ADCY5: variants seen among roughly 807,000 people sequenced by gnomAD.
ADCY5 encodes adenylate cyclase type 5.
A neutral mutation model predicts 119.7 loss-of-function variants in ADCY5; 30 were observed. The observed-to-expected ratio is 0.25, with a 90% confidence interval of 0.19 to 0.34. The LOEUF is 0.34. Among genes scored for constraint, ADCY5 ranks in the 10% least tolerant of loss-of-function variants. The pLI, the probability that ADCY5 is intolerant of heterozygous loss-of-function variation, is 1.00. For missense variants in ADCY5, 1,324 were observed against 1,775.2 expected, an observed-to-expected ratio of 0.75 and a Z score of 4.57; for synonymous variants, 753 against 762.2, an observed-to-expected ratio of 0.99 and a Z score of 0.20.
Position 123,352,375 on chromosome 3 carries a change from A to T in ADCY5, c.1284+57T>A. 1 of 1,546,814 alleles carries T rather than the reference A, an allele frequency of 6.5e-7. No homozygotes were observed. Among genetic ancestry groups the T allele is most frequent in the Non-Finnish European group, 8.7e-7 (1 of 1,146,200 alleles). Reference sequence around the variant, plus strand: ...CCGCCCTAGGCCAGGCACTCAGCTGAGGTACATCTCAGGGCTCGACTCCGT... The same window carrying T: ...CCGCCCTAGGCCAGGCACTCAGCTGTGGTACATCTCAGGGCTCGACTCCGT... On this transcript the variant is annotated intron_variant, in intron 2 of 20. Transcript: ENST00000462833. This position sits in a 1 kb window ranked among gnomAD's most constrained non-coding sequence, Gnocchi z 4.8.
intron 1 of ADCY5, among the ~76,000 whole-genome samples, chr3:123,422,867 T>C (rs1169702821): frequency 6.6e-6 from 1 of 152,208 alleles, no homozygotes; most frequent in African/African-American, 2.4e-5. Context: ...GAGATGGTCC[T>C]TTCTCAAGTA....
rs545626654 is a variant in ADCY5 at position 123,295,993 on chromosome 3, C to T, written c.3063+91G>A. ...AGCTTGACAGTGTAAGACGAAGGCC[C>T]GGCTTGGCCTGGCCCAGCAGACGAG... On this transcript the variant is annotated intron_variant, in intron 17 of 20. Transcript: ENST00000462833. The T allele has an allele frequency of 2.1e-5, 32 of 1,545,222 alleles. No homozygotes were observed. The African/African-American group carries it at 2.7e-4, about 13-fold the overall frequency.
chr3:123,400,138 G>A (rs896240913), intron 1 of ADCY5, among the ~76,000 whole-genome samples: 2 of 152,218 alleles, frequency 1.3e-5, no homozygotes, highest in African/African-American at 4.8e-5. Flanking sequence ...GATAGGAGCA[G>A]CTAGTGAGGA....
At chr3:123,349,949 C>T (rs1342292297) in intron 2 of ADCY5, among the ~76,000 whole-genome samples, 2 of 152,260 alleles carry the variant, frequency 1.3e-5, no homozygotes, top group African/African-American at 2.4e-5. Context: ...CAGCCCACGC[C>T]CACAGCCTGG....
intron 7 of ADCY5, among the ~76,000 whole-genome samples, chr3:123,325,860 G>T (rs562872330): frequency 2.6e-5 from 4 of 152,358 alleles, no homozygotes; most frequent in Non-Finnish European, 4.4e-5. Context: ...CCAGCTGCCC[G>T]CACTGTGCTT....
chr3:123,342,143 T>C (rs1421726382), intron 3 of ADCY5, among the ~76,000 whole-genome samples: 1 of 152,184 alleles, frequency 6.6e-6, no homozygotes, highest in Non-Finnish European at 1.5e-5. Context: ...TGCAGGATGT[T>C]CACGGCCCCT....
At chr3:123,377,797 G>T (rs1248235814) in intron 1 of ADCY5, among the ~76,000 whole-genome samples, 1 of 152,062 alleles carries the variant, frequency 6.6e-6, no homozygotes, top group East Asian at 1.9e-4. Context: ...GCGTGTGGTG[G>T]TGTGTGCCTG....
At chr3:123,317,577 T>C (rs1940983292) in intron 11 of ADCY5, among the ~76,000 whole-genome samples, 1 of 151,322 alleles carries the variant, frequency 6.6e-6, no homozygotes, top group South Asian at 2.1e-4. Flanking sequence ...TCTACTAAAA[T>C]ACAAAAAACT....
intron 1 of ADCY5, among the ~76,000 whole-genome samples, chr3:123,446,030 G>A (rs1576702628): frequency 6.6e-6 from 1 of 152,308 alleles, no homozygotes; most frequent in East Asian, 1.9e-4. Context: ...GCTTGGGGCA[G>A]AGGACGTTAG....
intron 3 of ADCY5, among the ~76,000 whole-genome samples, chr3:123,344,739 G>A (rs1339886889): frequency 6.6e-6 from 1 of 152,158 alleles, no homozygotes; most frequent in East Asian, 1.9e-4. Context: ...CAAGCCAAAA[G>A]TTCAACCCCA....
rs573583988 is a variant in ADCY5, at chr3:123,295,694, C to T, written c.3063+390G>A. ...CTCCACTCACCTCTTGCCACTCTTC[C>T]TTCCCCCGTCCCAGATGCCTTGCTG... On this transcript the variant is annotated intron_variant, in intron 17 of 20. Transcript: ENST00000462833. 1.6e-3 allele frequency among the ~76,000 whole-genome samples: 237 copies of T among 152,290 alleles called. 4 individuals carry two copies. Among genetic ancestry groups the T allele is most frequent in the Non-Finnish European group, 2.7e-3 (187 of 68,016 alleles).
intron 1 of ADCY5, among the ~76,000 whole-genome samples, chr3:123,393,861 G>A (rs1480809188): frequency 1.3e-5 from 2 of 152,092 alleles, no homozygotes; most frequent in Non-Finnish European, 2.9e-5. Context: ...TAGCGGCTGG[G>A]CGCGGTGGTT....
rs1459793625 is a variant in ADCY5 at position 123,283,739 on chromosome 3, C to CTGTT, written c.*865_*868dup. On this transcript the variant is annotated 3_prime_UTR_variant, in exon 21 of 21. Transcript: ENST00000462833. ...AGCACACCCGCCCTGCTGTGCACAG[C>CTGTT]TGTTTTCTAATATAGAGAATTTACA... 2 of 152,024 alleles carry CTGTT rather than the reference C, an allele frequency of 1.3e-5. No homozygotes were observed. The highest frequency in any genetic ancestry group is 2.9e-5 in the Non-Finnish European group (2 of 67,976). The allele number at this position is 152,024 out of a possible 1,614,324, so 9.4% of individuals were successfully genotyped here. A position where few individuals can be genotyped will look rare whatever the true frequency, so the allele number is the denominator to read the frequency against.
intron 16 of ADCY5, among the ~76,000 whole-genome samples, chr3:123,296,715 G>C (rs1939537254): frequency 6.6e-6 from 1 of 151,898 alleles, no homozygotes; most frequent in African/African-American, 2.4e-5. Flanking sequence ...ATGGTAGTAA[G>C]GATTAAAGAG....
chr3:123,355,786 G>A (rs1363846876), intron 1 of ADCY5, among the ~76,000 whole-genome samples: 3 of 152,144 alleles, frequency 2.0e-5, no homozygotes, highest in South Asian at 2.1e-4. Context: ...ACGTTCTGAT[G>A]TCAATTTTCC....
intron 19 of ADCY5, among the ~76,000 whole-genome samples, chr3:123,287,268 G>A (rs571957871): frequency 2.6e-5 from 4 of 152,182 alleles, no homozygotes; most frequent in African/African-American, 9.6e-5. Flanking sequence ...TCTGAGCTGG[G>A]GCAGGCACAC....
intron 1 of ADCY5, among the ~76,000 whole-genome samples, chr3:123,415,503 C>T (rs1323453678): frequency 1.3e-5 from 2 of 152,124 alleles, no homozygotes; most frequent in African/African-American, 2.4e-5. Context: ...GGGGTGATGG[C>T]GGCCCCTGGG....
At chr3:123,338,874 G>C (rs1159714663) in intron 3 of ADCY5, among the ~76,000 whole-genome samples, 1 of 152,038 alleles carries the variant, frequency 6.6e-6, no homozygotes, top group African/African-American at 2.4e-5. Context: ...ATGACTTTAT[G>C]AAGCTGTCAG....
At chr3:123,346,039 G>A (rs1942534443) in intron 3 of ADCY5, among the ~76,000 whole-genome samples, 1 of 152,232 alleles carries the variant, frequency 6.6e-6, no homozygotes, top group Non-Finnish European at 1.5e-5. Context: ...GTAAAATGGA[G>A]ATAATCACAG....
Sources: gnomAD v4.1 joint callset for allele counts (sites outside exome capture counted in the v4.1 genomes callset) on GRCh38, gnomAD v4.1.1 for gene constraint, Gnocchi (gnomAD v3.1) non-coding constraint, MANE v1.5 for transcripts, NCBI Gene and HGNC (gene_info 2026-07-23, HGNC 2026-07-21) for gene names.